The following DPY30 variants were observed in gnomAD, a reference collection of about 807,000 sequenced individuals.
The protein encoded by DPY30 is dpy-30 histone methyltransferase complex regulatory subunit.
A neutral mutation model predicts 16.2 loss-of-function variants in DPY30; 6 were observed. That is an observed-to-expected ratio of 0.37 (90% CI 0.20 to 0.73). The LOEUF (loss-of-function observed/expected upper bound fraction) is 0.73. DPY30 is among the 30% of genes least tolerant of loss of function. The pLI, the probability that DPY30 is intolerant of heterozygous loss-of-function variation, is 0.51. For missense variants in DPY30, 73 were observed against 113.1 expected (o/e 0.65, Z 1.61); for synonymous variants, 39 against 38.8 (o/e 1.00, Z -0.02).
intron 3 of DPY30, among the ~76,000 whole-genome samples, chr2:32,031,312 C>A (rs12468012): frequency 0.25 from 38,279 of 151,386 alleles, 5,081 homozygotes; most frequent in East Asian, 0.45. Context: ...CCCAGCTACT[C>A]GGGAGGCTGA....
At chr2:32,039,349 C>A in intron 2 of DPY30, 23 bp from the exon 3 acceptor site, 2 of 1,614,136 alleles carry the variant, frequency 1.2e-6, no homozygotes, top group Non-Finnish European at 1.7e-6. Context: ...ACACCGGTCA[C>A]AGAGATATAA....
intron 3 of DPY30, among the ~76,000 whole-genome samples, chr2:32,036,737 C>CG (rs1350913197): frequency 6.9e-6 from 1 of 145,648 alleles, no homozygotes; most frequent in Non-Finnish European, 1.5e-5. Flanking sequence ...GCATGGTTGG[C>CG]GGGTGCCTGT....
At chr2:32,020,556 T>C (rs1675157324), downstream of DPY30, among the ~76,000 whole-genome samples, 1 of 151,896 alleles carries the variant, frequency 6.6e-6, no homozygotes, top group Non-Finnish European at 1.5e-5. Flanking sequence ...TACCCCAAAT[T>C]TTGAGGGGTG....
chr2:32,017,473 C>T (rs934329819), intron 5 of DPY30, among the ~76,000 whole-genome samples: 3 of 151,706 alleles, frequency 2.0e-5, no homozygotes, highest in Non-Finnish European at 2.9e-5. Context: ...AAAAATTAGC[C>T]GGGCATGGTG....
chr2:32,019,921 CAT>C (rs1446133774), downstream of DPY30, among the ~76,000 whole-genome samples: 2 of 142,980 alleles, frequency 1.4e-5, no homozygotes, highest in Non-Finnish European at 3.0e-5. Context: ...TAAACATATA[CAT>C]ATATTTGTAC....
chr2:32,025,514 G>C (rs1372533550), intron 4 of DPY30, among the ~76,000 whole-genome samples: 1 of 149,836 alleles, frequency 6.7e-6, no homozygotes, highest in African/African-American at 2.5e-5. Context: ...TGTAATCCTG[G>C]CACTTTAGAG....
At chr2:32,032,832 C>T (rs555290571) in intron 3 of DPY30, among the ~76,000 whole-genome samples, 3 of 150,006 alleles carry the variant, frequency 2.0e-5, no homozygotes, top group Non-Finnish European at 4.4e-5. Flanking sequence ...CCCGTCTCTA[C>T]TAAAAATACA....
chr2:32,028,194 T>C (rs566508674), intron 4 of DPY30, among the ~76,000 whole-genome samples: 1 of 149,440 alleles, frequency 6.7e-6, no homozygotes, highest in Non-Finnish European at 1.5e-5. Context: ...CACTGCAGCC[T>C]CAAACTCCTG....
intron 5 of DPY30, among the ~76,000 whole-genome samples, chr2:32,017,646 C>A (rs1675090479): frequency 6.6e-6 from 1 of 151,466 alleles, no homozygotes; most frequent in Non-Finnish European, 1.5e-5. Flanking sequence ...AAGAAACTCT[C>A]ACATTATGGC....
At chr2:32,019,873 T>C (rs560053066), downstream of DPY30, among the ~76,000 whole-genome samples, 8 of 142,318 alleles carry the variant, frequency 5.6e-5, no homozygotes, top group Non-Finnish European at 1.2e-4. Context: ...CATATATATG[T>C]GTATATATAT....
At chr2:32,037,291 A>T (rs180892907) in intron 3 of DPY30, among the ~76,000 whole-genome samples, 26 of 152,194 alleles carry the variant, frequency 1.7e-4, no homozygotes, top group Admixed American at 1.1e-3. Flanking sequence ...TATTGTTTAC[A>T]TATCTTTAAA....
At chr2:32,016,047 C>T (rs968543340) in intron 5 of DPY30, among the ~76,000 whole-genome samples, 2 of 151,832 alleles carry the variant, frequency 1.3e-5, no homozygotes, top group East Asian at 1.9e-4. Context: ...TACAGGCACA[C>T]ACCACCATGC....
intron 5 of DPY30, among the ~76,000 whole-genome samples, chr2:32,015,727 G>A (rs1017069575): frequency 1.3e-5 from 2 of 151,588 alleles, no homozygotes; most frequent in East Asian, 1.9e-4. Flanking sequence ...GTAGTACCGC[G>A]CCCTGTAGTA....
chr2:32,024,146 T>C lies in DPY30; in HGVS notation c.*38A>G. ...AAGCTGCCTCTTAATCATGTAAATC[T>C]ACAGTAGCAACTAAATTTTTCTGTT... is the stretch of plus-strand genomic sequence containing the variant. On this transcript the variant is annotated 3_prime_UTR_variant, in exon 5 of 5. Coordinates refer to ENST00000342166, the MANE Select transcript of DPY30 (RefSeq NM_001321209.2). 6.3e-7 allele frequency: 1 copy of C among 1,598,558 alleles called. No individual in the cohort carries two copies. The highest frequency in any genetic ancestry group is 8.5e-7 in the Non-Finnish European group (1 of 1,171,870).
chr2:32,028,214 C>A (rs1187467519), intron 4 of DPY30, among the ~76,000 whole-genome samples: 1 of 151,334 alleles, frequency 6.6e-6, no homozygotes, highest in Non-Finnish European at 1.5e-5. Flanking sequence ...GGGCCCAAGC[C>A]CAAGCGATCC....
intron 3 of DPY30, 85 bp downstream of exon 3, chr2:32,039,194 A>G (rs1292815342): frequency 1.3e-6 from 2 of 1,552,514 alleles, no homozygotes; most frequent in Non-Finnish European, 1.8e-6. Context: ...TCCCTTGTGC[A>G]TAGCCACCTA....
chr2:32,030,082 AT>A (rs34033513), intron 3 of DPY30, among the ~76,000 whole-genome samples: 6,796 of 123,328 alleles, frequency 0.055, 314 homozygotes, highest in African/African-American at 0.15. Context: ...AAAAAAAAAA[AT>A]AATGAATGTA....
chr2:32,012,455 G>C, intron 5 of DPY30, among the ~76,000 whole-genome samples: 1 of 98,948 alleles, frequency 1.0e-5, no homozygotes, highest in South Asian at 3.3e-4. Context: ...TTTTGAGACA[G>C]AGTCTTGCTC....
chr2:32,016,156 T>G (rs1484101706), intron 5 of DPY30, among the ~76,000 whole-genome samples: 4 of 152,154 alleles, frequency 2.6e-5, no homozygotes, highest in Non-Finnish European at 5.9e-5. Flanking sequence ...TGCCTCGGCC[T>G]TGCAAGTGCT....
Sources: allele counts gnomAD v4.1 joint callset (sites outside exome capture counted in the v4.1 genomes callset), GRCh38; gene constraint gnomAD v4.1.1; transcripts MANE v1.5; gene names NCBI Gene and HGNC (gene_info 2026-07-23, HGNC 2026-07-21).